The following EFCAB5 variants were observed in gnomAD, a reference collection of about 807,000 sequenced individuals.
EFCAB5 encodes the protein EF-hand calcium-binding domain-containing protein 5.
In EFCAB5, 131 loss-of-function variants were observed where a neutral mutation model predicts 167.9. The ratio of observed to expected loss-of-function variants is 0.78; its 90% confidence interval spans 0.68 to 0.90. The LOEUF (loss-of-function observed/expected upper bound fraction) is 0.90. Ranked by LOEUF, EFCAB5 falls within the 40% of genes least tolerant of loss-of-function variation. The probability of loss-of-function intolerance (pLI) is 0.00; values close to 1 mark genes in which losing one functional copy is unlikely to be tolerated. For synonymous variants in EFCAB5, 574 were observed against 602.8 expected (o/e 0.95, Z 0.70); for missense variants, 1,663 against 1,745.2 (o/e 0.95, Z 0.84).
chr17:30,076,615 G>A (rs1488944791), intron 14 of EFCAB5, among the ~76,000 whole-genome samples: 1 of 152,226 alleles, frequency 6.6e-6, no homozygotes, highest in African/African-American at 2.4e-5. Context: ...TCAAGAGAAG[G>A]AGAAATCACA....
intron 14 of EFCAB5, among the ~76,000 whole-genome samples, chr17:30,065,899 G>A (rs957678273): frequency 6.6e-6 from 1 of 152,046 alleles, no homozygotes; most frequent in Non-Finnish European, 1.5e-5. Flanking sequence ...TTCAGCAAGT[G>A]AACAATTCTA....
Position 30,053,945 on chromosome 17 carries a change from A to T in EFCAB5, c.1991A>T (p.Gln664Leu), listed in dbSNP as rs2070180827. 1 of 1,613,908 alleles carries T rather than the reference A, an allele frequency of 6.2e-7. No individual in the cohort carries two copies. Among genetic ancestry groups the T allele is most frequent in the African/African-American group, 1.3e-5 (1 of 74,938 alleles). ...TATGGAGAGATAATTTCAGAAGAGC[A>T]AGAAGACATAGGCTCAACTTCACAA... ...GPYGEIISEE[Q>L]EDIGSTSQSR... The change falls in exon 10 of 23, where the codon CAA (glutamine) becomes CTA (leucine). Residue 664 changes from glutamine (Q) to leucine (L), a missense_variant. Coordinates refer to ENST00000394835, the MANE Select transcript of EFCAB5 (RefSeq NM_198529.4).
At chr17:30,074,753 T>C (rs1317477417) in intron 14 of EFCAB5, 1 of 152,204 alleles carries the variant, frequency 6.6e-6, no homozygotes, top group Non-Finnish European at 1.5e-5. Context: ...CCTTTTAACA[T>C]GCATCCCTCA....
At chr17:30,006,195 T>C (rs937767171) in intron 7 of EFCAB5, among the ~76,000 whole-genome samples, 1 of 152,236 alleles carries the variant, frequency 6.6e-6, no homozygotes, top group East Asian at 1.9e-4. Flanking sequence ...CAGAATAAAC[T>C]TCTTTAAAAT....
At chr17:29,946,674 G>A (rs916720239) in intron 3 of EFCAB5, among the ~76,000 whole-genome samples, 3 of 151,930 alleles carry the variant, frequency 2.0e-5, no homozygotes, top group East Asian at 1.9e-4. Context: ...TCCTGACCTC[G>A]TGATCCACCC....
chr17:29,991,874 A>G lies in EFCAB5; in HGVS notation c.768-1291A>G, dbSNP rs551269879. 1.6e-4 allele frequency among the ~76,000 whole-genome samples: 25 copies of G among 152,312 alleles called. 1 individual carries two copies. In the South Asian group the frequency reaches 5.2e-3, roughly 32 times the overall value. On this transcript the variant is annotated intron_variant, in intron 4 of 22. Coordinates refer to ENST00000394835, the MANE Select transcript of EFCAB5 (RefSeq NM_198529.4). ...AGTATATATAGCAGCTTCTAGAGCT[A>G]TTTTTACTACCTGTTTTTTAAGTTG...
At chr17:30,095,411 A>G (rs1160574288) in intron 22 of EFCAB5, among the ~76,000 whole-genome samples, 1 of 152,168 alleles carries the variant, frequency 6.6e-6, no homozygotes, top group African/African-American at 2.4e-5. Flanking sequence ...AAATGACACC[A>G]TGATCCTCTA....
rs60700223 is a variant in EFCAB5, at chr17:30,085,719, CAAAAAAAAAAA to C, written c.3580-1335_3580-1325del. On this transcript the variant is annotated intron_variant, in intron 18 of 22. Coordinates refer to ENST00000394835, the MANE Select transcript of EFCAB5 (RefSeq NM_198529.4). ...TGGGCGACACAGCGAGACTCCGTCT[CAAAAAAAAAAA>C]AAAAAAAAGAAAAGAAAAGAAATAA... 5.6e-5 allele frequency among the ~76,000 whole-genome samples: 7 copies of C among 125,518 alleles called. No individual in the cohort carries two copies. In the South Asian group the frequency reaches 1.9e-3, roughly 33 times the overall value. The allele number at this position is 125,518 out of a possible 152,430, so 82.3% of individuals were successfully genotyped here. A position where few individuals can be genotyped will look rare whatever the true frequency, so the allele number is the denominator to read the frequency against.
At chr17:30,092,179 A>G in intron 21 of EFCAB5, 22 bp downstream of exon 21, 1 of 1,592,648 alleles carries the variant, frequency 6.3e-7, no homozygotes. Flanking sequence ...TTTAAAAAGC[A>G]CCTTTTAAAT....
chr17:30,069,646 G>A (rs998892306), intron 14 of EFCAB5: 2 of 1,596,266 alleles, frequency 1.3e-6, no homozygotes, highest in African/African-American at 1.3e-5. Flanking sequence ...CTGGGCCACG[G>A]GGGCCCAGCA....
chr17:30,015,872 A>T (rs2069027858), intron 7 of EFCAB5, among the ~76,000 whole-genome samples: 1 of 150,184 alleles, frequency 6.7e-6, no homozygotes, highest in African/African-American at 2.5e-5. Context: ...TCTGCCTCCC[A>T]GGTCCAAACG....
At chr17:30,098,551 A>C (rs868279899) in intron 22 of EFCAB5, among the ~76,000 whole-genome samples, 1 of 150,298 alleles carries the variant, frequency 6.7e-6, no homozygotes, top group Admixed American at 6.6e-5. Flanking sequence ...AAAAAAAAAA[A>C]CTCCTGGGCT....
At chr17:29,954,764 C>T (rs1250598014) in intron 3 of EFCAB5, among the ~76,000 whole-genome samples, 1 of 152,286 alleles carries the variant, frequency 6.6e-6, no homozygotes, top group East Asian at 1.9e-4. Context: ...GCATCGTGCA[C>T]CTGGAAAAGC....
At chr17:30,073,068 T>G (rs1186522870) in intron 14 of EFCAB5, 7 of 639,224 alleles carry the variant, frequency 1.1e-5, no homozygotes, top group Non-Finnish European at 2.0e-5. Flanking sequence ...TTTATTTTTT[T>G]TTTTTTGAGA....
Position 29,929,913 on chromosome 17 carries a change from G to T in EFCAB5, c.-127+584G>T, listed in dbSNP as rs761586064. 5.7e-6 allele frequency: 9 copies of T among 1,576,252 alleles called. No individual in the cohort carries two copies. In the South Asian group the frequency reaches 9.3e-5, roughly 16 times the overall value. Reference sequence around the variant, plus strand: ...CGGAGCCGCAGTGACAGAAGCAAGCGGAGCGGCCGCCAGGAAGGACTCACC... The same window carrying T: ...CGGAGCCGCAGTGACAGAAGCAAGCTGAGCGGCCGCCAGGAAGGACTCACC... On this transcript the variant is annotated intron_variant, in intron 1 of 3. Transcript: ENST00000448319.
chr17:30,049,426 G>C (rs900447656), intron 8 of EFCAB5, among the ~76,000 whole-genome samples: 1 of 151,984 alleles, frequency 6.6e-6, no homozygotes, highest in African/African-American at 2.4e-5. Flanking sequence ...GTTGCAGTGA[G>C]CCGAGATCAT....
In EFCAB5 at chr17:29,971,248, C is replaced by A. The variant is rs1478069636; in HGVS notation, c.767+1881C>A. On this transcript the variant is annotated intron_variant, in intron 4 of 22. Coordinates refer to ENST00000394835, the MANE Select transcript of EFCAB5 (RefSeq NM_198529.4). ...TACTAATTTCTATATATTTTTGTAC[C>A]CTGCTACCTTACTGAGTTCTCTTAC... is the stretch of plus-strand genomic sequence containing the variant. Among the ~76,000 whole-genome samples the A allele has an allele frequency of 2.6e-5, 4 of 151,704 alleles. No homozygotes were observed. The South Asian group carries it at 6.2e-4, about 24-fold the overall frequency.
At chr17:30,094,684 AAAC>A (rs757451735) in intron 22 of EFCAB5, among the ~76,000 whole-genome samples, 4 of 152,134 alleles carry the variant, frequency 2.6e-5, no homozygotes, top group Admixed American at 6.5e-5. Context: ...CCTGTCTCAA[AAAC>A]AACAACAACA....
At chr17:30,069,192 G>C (rs1375368379) in intron 14 of EFCAB5, 1 of 1,548,950 alleles carries the variant, frequency 6.5e-7, no homozygotes, top group Non-Finnish European at 8.9e-7. Flanking sequence ...AAGTTTCACA[G>C]TGTCCTTCAA....
Sources: allele counts gnomAD v4.1 joint callset (sites outside exome capture counted in the v4.1 genomes callset), GRCh38; gene constraint gnomAD v4.1.1; transcripts MANE v1.5; gene names NCBI Gene and HGNC (gene_info 2026-07-23, HGNC 2026-07-21).